Variants in HMGB1 observed in about 807,000 individuals in gnomAD.
The protein encoded by HMGB1 is high mobility group box 1.
For missense variants in HMGB1, 79 were observed against 253.5 expected (o/e 0.31, Z 4.67); for synonymous variants, 81 against 84.0 (o/e 0.96, Z 0.19).
intron 1 of HMGB1, among the ~76,000 whole-genome samples, chr13:30,485,764 G>A (rs372736496): frequency 2.6e-5 from 4 of 152,266 alleles, no homozygotes; most frequent in African/African-American, 9.6e-5. Context: ...ACTTAGGGAC[G>A]CTTATGGGGA....
At chr13:30,564,472 A>AAAACAAACAAAC (rs528876932) in intron 1 of HMGB1, among the ~76,000 whole-genome samples, 39 of 152,134 alleles carry the variant, frequency 2.6e-4, no homozygotes, top group African/African-American at 9.4e-4. Flanking sequence ...TCAGTCTCAA[A>AAAACAAACAAAC]AAACAAACAA....
upstream of HMGB1, chr13:30,466,048 G>T (rs41477046): frequency 9.8e-4 from 646 of 659,214 alleles, 2 homozygotes; most frequent in Middle Eastern, 2.2e-3. Context: ...GGCTGTCTCC[G>T]GGGACACGTC....
At chr13:30,519,422 G>A (rs939125620) in intron 1 of HMGB1, among the ~76,000 whole-genome samples, 24 of 150,328 alleles carry the variant, frequency 1.6e-4, no homozygotes, top group African/African-American at 4.2e-4. Flanking sequence ...AAGGCCGGGC[G>A]CGGTGGTTCA....
intron 1 of HMGB1, among the ~76,000 whole-genome samples, chr13:30,496,670 T>C (rs1887615302): frequency 1.3e-5 from 2 of 152,232 alleles, no homozygotes; most frequent in African/African-American, 4.8e-5. Flanking sequence ...ATCTTTGTTG[T>C]TGGCTTTTCA....
intron 1 of HMGB1, among the ~76,000 whole-genome samples, chr13:30,551,296 T>C (rs1869418614): frequency 6.6e-6 from 1 of 152,194 alleles, no homozygotes; most frequent in Admixed American, 6.5e-5. Flanking sequence ...TTCCTTCTCT[T>C]TGGGGTTTAA....
intron 1 of HMGB1, among the ~76,000 whole-genome samples, chr13:30,592,253 T>C (rs7994982): frequency 4.6e-4 from 70 of 152,326 alleles, no homozygotes; most frequent in African/African-American, 1.5e-3. Context: ...AAAAGTCATA[T>C]TTCTGATAAT....
At chr13:30,554,797 AAAGGCC>A in intron 1 of HMGB1, 1 of 765,338 alleles carries the variant, frequency 1.3e-6, no homozygotes, top group Admixed American at 1.7e-5. Flanking sequence ...CAAAAAAGAA[AAAGGCC>A]AAGATAGACA....
chr13:30,535,572 C>T (rs1868388422), intron 1 of HMGB1, among the ~76,000 whole-genome samples: 1 of 152,100 alleles, frequency 6.6e-6, no homozygotes, highest in African/African-American at 2.4e-5. Flanking sequence ...TCTTACCATT[C>T]CACTTATTTG....
At chr13:30,529,517 C>A (rs776448073) in intron 1 of HMGB1, among the ~76,000 whole-genome samples, 4 of 152,116 alleles carry the variant, frequency 2.6e-5, no homozygotes, top group Admixed American at 6.6e-5. Flanking sequence ...GAAACATGAC[C>A]ATTTCAAACT....
rs548903701 is a variant in HMGB1 at position 30,496,214 on chromosome 13, T to C, written c.-14-32520A>G. 2.0e-5 allele frequency among the ~76,000 whole-genome samples: 3 copies of C among 152,330 alleles called. No homozygotes were observed. In the South Asian group the frequency reaches 6.2e-4, roughly 32 times the overall value. ...GAAGTTAGGAGAGCATTTTTTTCCTTAGCAATTTTGCCTATTTATTCAATG... is the reference window on the plus strand; with the variant it reads ...GAAGTTAGGAGAGCATTTTTTTCCTCAGCAATTTTGCCTATTTATTCAATG... On this transcript the variant is annotated intron_variant, in intron 1 of 4. Coordinates refer to the HMGB1 transcript ENST00000405805.
chr13:30,555,231 T>C (rs1445120862), intron 1 of HMGB1, among the ~76,000 whole-genome samples: 2 of 151,944 alleles, frequency 1.3e-5, no homozygotes, highest in African/African-American at 2.4e-5. Context: ...TTAGTAGAGA[T>C]GGGGTTTCAC....
chr13:30,500,645 G>A lies in HMGB1; in HGVS notation c.-14-36951C>T, dbSNP rs143098652. Among the ~76,000 whole-genome samples, 208 of 151,032 alleles carry A rather than the reference G, an allele frequency of 1.4e-3. 2 individuals are homozygous for A. The highest frequency in any genetic ancestry group is 4.9e-3 in the African/African-American group (200 of 40,902). ...CAACCTCTGCCTCCTGGGTTCAAGC[G>A]ATTCTCCTGCCTCAGCCTCCTGAGT... is the stretch of plus-strand genomic sequence containing the variant. On this transcript the variant is annotated intron_variant, in intron 1 of 4. Transcript: ENST00000405805.
chr13:30,484,950 G>A (rs1255686479), intron 1 of HMGB1, among the ~76,000 whole-genome samples: 2 of 151,948 alleles, frequency 1.3e-5, no homozygotes, highest in African/African-American at 2.4e-5. Flanking sequence ...CTCACAGCTG[G>A]GTAAATGTGC....
chr13:30,530,225 A>C (rs1307901077), intron 1 of HMGB1, among the ~76,000 whole-genome samples: 1 of 152,188 alleles, frequency 6.6e-6, no homozygotes, highest in African/African-American at 2.4e-5. Flanking sequence ...TGTTGCATAA[A>C]ATTACCTTCA....
chr13:30,551,574 T>C lies in HMGB1; in HGVS notation c.-15+65097A>G, dbSNP rs540576980. The stretch of plus-strand genomic sequence containing the variant: ...ATTTAAACACAAAAGATGCATGAAA[T>C]TATTCAATGTCACCCAGGCCTCTAG... On this transcript the variant is annotated intron_variant, in intron 1 of 4. Coordinates refer to the HMGB1 transcript ENST00000405805. Among the ~76,000 whole-genome samples the C allele has an allele frequency of 2.6e-5, 4 of 152,346 alleles. No individual in the cohort carries two copies. The South Asian group carries it at 6.2e-4, about 24-fold the overall frequency.
At chr13:30,615,864 T>G (rs765543504) in intron 1 of HMGB1, among the ~76,000 whole-genome samples, 12 of 152,200 alleles carry the variant, frequency 7.9e-5, no homozygotes, top group Non-Finnish European at 1.5e-4. Flanking sequence ...CGTTAGTTAT[T>G]AATTTAATAA....
intron 1 of HMGB1, among the ~76,000 whole-genome samples, chr13:30,592,459 A>C (rs1356584434): frequency 1.3e-5 from 2 of 152,198 alleles, no homozygotes; most frequent in African/African-American, 4.8e-5. Context: ...CCATTCCCCT[A>C]TGTTATGTTT....
At chr13:30,503,490 T>C (rs1464523657) in intron 1 of HMGB1, among the ~76,000 whole-genome samples, 1 of 151,916 alleles carries the variant, frequency 6.6e-6, no homozygotes, top group African/African-American at 2.4e-5. Context: ...TAATAAATCG[T>C]TATTATAGTC....
intron 1 of HMGB1, among the ~76,000 whole-genome samples, chr13:30,575,525 T>C (rs556343802): frequency 6.6e-6 from 1 of 152,318 alleles, no homozygotes; most frequent in South Asian, 2.1e-4. Flanking sequence ...AATTCTAAGA[T>C]AAACTGTCTG....
Sources: allele counts gnomAD v4.1 joint callset (sites outside exome capture counted in the v4.1 genomes callset), GRCh38; gene constraint gnomAD v4.1.1; transcripts MANE v1.5; gene names NCBI Gene and HGNC (gene_info 2026-07-23, HGNC 2026-07-21).